CSMD3: variants seen among roughly 807,000 people sequenced by gnomAD.
CSMD3 encodes the protein CUB and Sushi multiple domains 3, also known as CUB and sushi domain-containing protein 3.
CSMD3 carries 177 observed loss-of-function variants against 435.2 expected under a neutral mutation model. The ratio of observed to expected loss-of-function variants is 0.41; its 90% CI spans 0.36 to 0.46. The LOEUF is 0.46. CSMD3 is among the 20% of genes least tolerant of loss of function. CSMD3 has a pLI of 0.34. For missense variants in CSMD3, 4,265 were observed against 4,504.6 expected (o/e 0.95, Z 1.52); for synonymous variants, 1,656 against 1,520.5 (o/e 1.09, Z -2.07).
chr8:112,680,849 T>C (rs2075873648), intron 16 of CSMD3, among the ~76,000 whole-genome samples: 1 of 152,120 alleles, frequency 6.6e-6, no homozygotes, highest in Non-Finnish European at 1.5e-5. Context: ...TTTGGAAAAT[T>C]ACATATTAAA....
intron 10 of CSMD3, among the ~76,000 whole-genome samples, chr8:112,876,588 A>G (rs1256524458): frequency 6.6e-6 from 1 of 152,158 alleles, no homozygotes; most frequent in Non-Finnish European, 1.5e-5. Context: ...AAACCACATG[A>G]TTATCTCAAT....
At chr8:112,259,644 TATA>T (rs1467872971) in intron 61 of CSMD3, among the ~76,000 whole-genome samples, 3 of 151,966 alleles carry the variant, frequency 2.0e-5, no homozygotes, top group African/African-American at 7.3e-5. Context: ...GTAACACAAG[TATA>T]ATAATAGCAC....
In CSMD3 at chr8:112,333,647, T is replaced by C. The variant is rs1275037635; in HGVS notation, c.7165+1682A>G. Among the ~76,000 whole-genome samples, 4 of 148,280 alleles carry C rather than the reference T, an allele frequency of 2.7e-5. No individual in the cohort carries two copies. In the East Asian group the frequency reaches 6.0e-4, roughly 22 times the overall value. On this transcript the variant is annotated intron_variant, in intron 45 of 70. Transcript: ENST00000297405. Reference sequence around the variant, plus strand: ...TATCTATTATCCACATATTTTTATATGAATGTTCAAATTCTGTCTCATACA... The same window carrying C: ...TATCTATTATCCACATATTTTTATACGAATGTTCAAATTCTGTCTCATACA...
chr8:113,019,266 A>G, intron 5 of CSMD3, 87 bp from the exon 6 acceptor site: 1 of 818,008 alleles, frequency 1.2e-6, no homozygotes, highest in Non-Finnish European at 2.2e-6. Flanking sequence ...ACAAATGTCC[A>G]ACTATATTCA....
chr8:112,751,052 T>G (rs2077557808), intron 13 of CSMD3, among the ~76,000 whole-genome samples: 1 of 147,804 alleles, frequency 6.8e-6, no homozygotes. Flanking sequence ...TACCAAGGGA[T>G]GACAGTATAG....
intron 23 of CSMD3, among the ~76,000 whole-genome samples, chr8:112,575,317 C>T (rs1829854498): frequency 2.0e-5 from 3 of 151,968 alleles, no homozygotes; most frequent in Non-Finnish European, 4.4e-5. Context: ...CTCACGTGTA[C>T]CCTCTAGGCT....
chr8:112,579,544 C>T (rs1830189903), intron 23 of CSMD3, among the ~76,000 whole-genome samples: 1 of 151,832 alleles, frequency 6.6e-6, no homozygotes. Flanking sequence ...ATGTATTGCT[C>T]TTGTTTTTAA....
intron 32 of CSMD3, among the ~76,000 whole-genome samples, chr8:112,465,974 C>CAAAAAAAAAAAAAAAAAAAA (rs201876803): frequency 1.8e-5 from 2 of 114,162 alleles, no homozygotes; most frequent in African/African-American, 6.9e-5. Context: ...GACACCATCT[C>CAAAAAAAAAAAAAAAAAAAA]AAAAAAAAAA....
intron 5 of CSMD3, among the ~76,000 whole-genome samples, chr8:113,032,476 G>C (rs962448325): frequency 6.6e-6 from 1 of 151,556 alleles, no homozygotes; most frequent in Non-Finnish European, 1.5e-5. Context: ...CTTTGAGCTT[G>C]AGAGAGATGA....
chr8:112,726,197 A>G (rs1806135722), intron 13 of CSMD3, among the ~76,000 whole-genome samples: 1 of 151,976 alleles, frequency 6.6e-6, no homozygotes, highest in South Asian at 2.1e-4. Flanking sequence ...CTCTCACTTG[A>G]TACTTGGGGA....
chr8:112,249,207 C>T (rs769107778), intron 63 of CSMD3, among the ~76,000 whole-genome samples: 35 of 152,054 alleles, frequency 2.3e-4, no homozygotes, highest in Non-Finnish European at 4.6e-4. Context: ...ACTTCACCAC[C>T]AAAACTGGCA....
chr8:112,654,581 C>A (rs1392354459), intron 18 of CSMD3, among the ~76,000 whole-genome samples: 1 of 152,170 alleles, frequency 6.6e-6, no homozygotes, highest in Admixed American at 6.5e-5. Context: ...CTGTAAGTGA[C>A]AAACTTGCTG....
rs1563912821 is a variant in CSMD3, at chr8:112,410,606, A to ATATATATATGTATATATATATATG, written c.5396-1575_5396-1574insCATATATATATATACATATATATA. Reference sequence around the variant, plus strand: ...CATACATATGTATATATATATGTGTATATATATATGTATATATATGTGTAT... The same window carrying ATATATATATGTATATATATATATG: ...CATACATATGTATATATATATGTGTATATATATATGTATATATATATATGTATATATATGTATATATATGTGTAT... On this transcript the variant is annotated intron_variant, in intron 32 of 70. Transcript: ENST00000297405. Among the ~76,000 whole-genome samples, 2 of 53,086 alleles carry ATATATATATGTATATATATATATG rather than the reference A, an allele frequency of 3.8e-5. 1 individual carries two copies. The highest frequency in any genetic ancestry group is 7.4e-5 in the Non-Finnish European group (2 of 26,982). The allele number at this position is 53,086 out of a possible 152,430, so 34.8% of individuals were successfully genotyped here. A position where few individuals can be genotyped will look rare whatever the true frequency, so the allele number is the denominator to read the frequency against.
At chr8:113,405,956 T>C (rs2094530933) in intron 1 of CSMD3, among the ~76,000 whole-genome samples, 1 of 151,810 alleles carries the variant, frequency 6.6e-6, no homozygotes, top group Non-Finnish European at 1.5e-5. Context: ...CGAGTTGCAT[T>C]GAACTATGTC....
intron 7 of CSMD3, among the ~76,000 whole-genome samples, chr8:112,969,318 T>G (rs1194756928): frequency 6.6e-6 from 1 of 152,024 alleles, no homozygotes; most frequent in Non-Finnish European, 1.5e-5. Context: ...TCACCTAAAA[T>G]AAACGTTTTA....
rs547605774 is a variant in CSMD3 at position 112,489,622 on chromosome 8, A to G, written c.5278+2867T>C. ...AATATGATTTTCTCAACAACCTTGC[A>G]AATTACACAATATCTTATGATTAGA... is the stretch of plus-strand genomic sequence containing the variant. On this transcript the variant is annotated intron_variant, in intron 31 of 70. Coordinates refer to ENST00000297405, the MANE Select transcript of CSMD3 (RefSeq NM_198123.2). Among the ~76,000 whole-genome samples the G allele has an allele frequency of 2.2e-3, 329 of 152,318 alleles. 2 individuals carry two copies. Among genetic ancestry groups the G allele is most frequent in the African/African-American group, 7.6e-3 (318 of 41,576 alleles).
chr8:112,409,061 C>A (rs372825604), intron 32 of CSMD3, 29 bp from the exon 33 acceptor site: 1 of 1,612,624 alleles, frequency 6.2e-7, no homozygotes, highest in African/African-American at 1.3e-5. Flanking sequence ...GAGAAGCAAA[C>A]AAATCACCAA....
At chr8:112,450,607 G>A (rs1816150971) in intron 32 of CSMD3, among the ~76,000 whole-genome samples, 4 of 152,180 alleles carry the variant, frequency 2.6e-5, no homozygotes, top group African/African-American at 7.2e-5. Flanking sequence ...CAGAGCTGAG[G>A]TGTGACCTTG....
intron 1 of CSMD3, among the ~76,000 whole-genome samples, chr8:113,355,722 T>TA (rs1563737826): frequency 5.1e-5 from 4 of 77,816 alleles, no homozygotes; most frequent in Admixed American, 4.0e-4. Flanking sequence ...AGTTTTATTT[T>TA]TATATATATA....
Sources: allele counts gnomAD v4.1 joint callset (sites outside exome capture counted in the v4.1 genomes callset), GRCh38; gene constraint gnomAD v4.1.1; transcripts MANE v1.5; gene names NCBI Gene and HGNC (gene_info 2026-07-23, HGNC 2026-07-21).